Variants in DLGAP2 observed in about 807,000 individuals in gnomAD.
The protein encoded by DLGAP2 is disks large-associated protein 2.
Under a neutral mutation model 100.3 loss-of-function variants are expected in DLGAP2, and 26 were observed. That is an observed-to-expected ratio of 0.26 (90% CI 0.19 to 0.36). The LOEUF is 0.36. Among genes scored for constraint, DLGAP2 ranks in the 10% least tolerant of loss-of-function variants. The pLI, the probability that DLGAP2 is intolerant of heterozygous loss-of-function variation, is 1.00. For missense variants in DLGAP2, 1,858 were observed against 1,453.2 expected (o/e 1.28, Z -4.53); for synonymous variants, 886 against 630.1 (o/e 1.41, Z -6.08).
chr8:1,241,166 C>G (rs1798785165), intron 2 of DLGAP2, among the ~76,000 whole-genome samples: 1 of 142,762 alleles, frequency 7.0e-6, no homozygotes, highest in African/African-American at 2.6e-5. Flanking sequence ...GTCTAGTTCT[C>G]TCACGTGGCG....
intron 4 of DLGAP2, among the ~76,000 whole-genome samples, chr8:1,513,621 C>T (rs915134949): frequency 2.0e-5 from 3 of 152,234 alleles, no homozygotes; most frequent in Admixed American, 6.5e-5. Context: ...TGAGGTGAGA[C>T]CTTGCTAAGC....
At chr8:890,339 G>A (rs912499434) in intron 1 of DLGAP2, among the ~76,000 whole-genome samples, 4 of 152,252 alleles carry the variant, frequency 2.6e-5, no homozygotes, top group Middle Eastern at 3.4e-3. Context: ...ACCACTTGTC[G>A]TTGCAGGCGC....
intron 2 of DLGAP2, among the ~76,000 whole-genome samples, chr8:1,104,653 C>T (rs570795561): frequency 3.3e-5 from 5 of 152,306 alleles, no homozygotes; most frequent in East Asian, 3.9e-4. Flanking sequence ...CCTGCAACCC[C>T]GCTTGGCAGA....
intron 3 of DLGAP2, among the ~76,000 whole-genome samples, chr8:1,455,714 A>G (rs1303675158): frequency 6.6e-6 from 1 of 152,106 alleles, no homozygotes; most frequent in African/African-American, 2.4e-5. Context: ...CCCCATTTAT[A>G]TATTAATTAA....
chr8:873,559 T>A (rs1797637486), intron 1 of DLGAP2, among the ~76,000 whole-genome samples: 1 of 152,204 alleles, frequency 6.6e-6, no homozygotes, highest in Non-Finnish European at 1.5e-5. Context: ...CTATATATAA[T>A]TGCTGCATTC....
chr8:976,065 A>C (rs930958958), intron 2 of DLGAP2, among the ~76,000 whole-genome samples: 2 of 152,246 alleles, frequency 1.3e-5, no homozygotes, highest in African/African-American at 4.8e-5. Context: ...AAAAATTGGA[A>C]TTCGAAATGG....
At chr8:1,383,982 T>A (rs1002057357) in intron 3 of DLGAP2, among the ~76,000 whole-genome samples, 7 of 152,154 alleles carry the variant, frequency 4.6e-5, no homozygotes, top group Non-Finnish European at 7.4e-5. Context: ...ATGTCTGGGG[T>A]TTTGGTGTCT....
At chr8:874,363 T>G (rs896145944) in intron 1 of DLGAP2, among the ~76,000 whole-genome samples, 2 of 152,176 alleles carry the variant, frequency 1.3e-5, no homozygotes, top group African/African-American at 4.8e-5. Flanking sequence ...CCTTGAACCC[T>G]GCTTTGGCTG....
At chr8:1,201,084 G>T (rs538998638) in intron 2 of DLGAP2, among the ~76,000 whole-genome samples, 5 of 152,320 alleles carry the variant, frequency 3.3e-5, no homozygotes, top group African/African-American at 1.2e-4. Context: ...CCAGAGACCA[G>T]CACTGGGGAG....
intron 2 of DLGAP2, among the ~76,000 whole-genome samples, chr8:987,875 A>T (rs1800532961): frequency 6.6e-6 from 1 of 152,140 alleles, no homozygotes; most frequent in Non-Finnish European, 1.5e-5. Context: ...GTTAATTTCC[A>T]ACTCACCTAG....
chr8:1,132,373 G>T (rs375214140), intron 2 of DLGAP2, among the ~76,000 whole-genome samples: 1 of 152,174 alleles, frequency 6.6e-6, no homozygotes, highest in Non-Finnish European at 1.5e-5. Flanking sequence ...AGCAAAACCA[G>T]CTGGTAGGTA....
intron 2 of DLGAP2, among the ~76,000 whole-genome samples, chr8:1,180,831 C>T (rs571870014): frequency 2.0e-5 from 3 of 147,490 alleles, no homozygotes; most frequent in East Asian, 2.1e-4. Context: ...GTGTGGTGCA[C>T]GTCCTGTGCA....
At chr8:1,683,856 A>ATATATATATATATATATATATATATG (rs1467438870) in intron 12 of DLGAP2, among the ~76,000 whole-genome samples, 2 of 62,228 alleles carry the variant, frequency 3.2e-5, no homozygotes, top group East Asian at 5.8e-4. Flanking sequence ...ATATATATAT[A>ATATATATATATATATATATATATATG]TGTGTGTGTG....
intron 2 of DLGAP2, among the ~76,000 whole-genome samples, chr8:1,210,501 C>G (rs1046241241): frequency 6.6e-6 from 1 of 152,170 alleles, no homozygotes; most frequent in Admixed American, 6.5e-5. Context: ...GGCGGGCAGG[C>G]AGCTCAGCTC....
Position 1,032,132 on chromosome 8 carries a change from G to A in DLGAP2, c.73+124166G>A, listed in dbSNP as rs191466332. 3.7e-3 allele frequency among the ~76,000 whole-genome samples: 563 copies of A among 152,334 alleles called. 5 individuals are homozygous for A. Among genetic ancestry groups the A allele is most frequent in the Non-Finnish European group, 6.7e-3 (457 of 68,020 alleles). ...CCTGGGTCTGCAGTATGCTTCAGGGGTCTGCTCAGAGTCAGCCAGGACGGC... is the reference window on the plus strand; with the variant it reads ...CCTGGGTCTGCAGTATGCTTCAGGGATCTGCTCAGAGTCAGCCAGGACGGC... On this transcript the variant is annotated intron_variant, in intron 2 of 14. Coordinates refer to ENST00000637795, the MANE Select transcript of DLGAP2 (RefSeq NM_001346810.2).
chr8:1,158,468 T>C (rs1205553535), intron 2 of DLGAP2, among the ~76,000 whole-genome samples: 1 of 152,240 alleles, frequency 6.6e-6, no homozygotes, highest in Admixed American at 6.5e-5. Flanking sequence ...CACTATACCT[T>C]GGATCATTGG....
rs561864405 is a variant in DLGAP2 at position 1,285,356 on chromosome 8, C to T, written c.106+26473C>T. Among the ~76,000 whole-genome samples the T allele has an allele frequency of 1.2e-4, 18 of 152,246 alleles. 1 individual carries two copies. Among genetic ancestry groups the T allele is most frequent in the African/African-American group, 4.1e-4 (17 of 41,534 alleles). On this transcript the variant is annotated intron_variant, in intron 3 of 14. Transcript: ENST00000637795. Reference sequence around the variant, plus strand: ...ATAATGTCTTTTGATTTATTTTTCTCAAAAAGCTCAGTCATACTTCAAAAA... The same window carrying T: ...ATAATGTCTTTTGATTTATTTTTCTTAAAAAGCTCAGTCATACTTCAAAAA...
intron 2 of DLGAP2, among the ~76,000 whole-genome samples, chr8:940,119 G>C (rs1799160426): frequency 6.6e-6 from 1 of 152,040 alleles, no homozygotes; most frequent in Non-Finnish European, 1.5e-5. Context: ...AAGACAGTGG[G>C]GCGTGGGGCG....
intron 2 of DLGAP2, among the ~76,000 whole-genome samples, chr8:1,038,131 C>T (rs1347012687): frequency 6.6e-6 from 1 of 152,168 alleles, no homozygotes; most frequent in African/African-American, 2.4e-5. Context: ...AAGTGTTCGT[C>T]CCTCTGGAGT....
Sources: gnomAD v4.1 joint callset for allele counts (sites outside exome capture counted in the v4.1 genomes callset) on GRCh38, gnomAD v4.1.1 for gene constraint, MANE v1.5 for transcripts, NCBI Gene and HGNC (gene_info 2026-07-23, HGNC 2026-07-21) for gene names.